Variants in MLLT10 observed in about 807,000 individuals in gnomAD.
MLLT10 encodes the protein MLLT10 histone lysine methyltransferase DOT1L cofactor.
Under a neutral mutation model 129.1 loss-of-function variants are expected in MLLT10, and 30 were observed. The ratio of observed to expected loss-of-function variants is 0.23; its 90% CI spans 0.17 to 0.32. The LOEUF is 0.32. MLLT10 is among the 10% of genes least tolerant of loss of function. The pLI, the probability that MLLT10 is intolerant of heterozygous loss-of-function variation, is 1.00. For synonymous variants in MLLT10, 490 were observed against 446.4 expected (o/e 1.10, Z -1.23); for missense variants, 1,119 against 1,268.3 (o/e 0.88, Z 1.79).
intron 13 of MLLT10, among the ~76,000 whole-genome samples, chr10:21,693,741 G>C (rs2054104045): frequency 6.6e-6 from 1 of 152,118 alleles, no homozygotes; most frequent in Admixed American, 6.5e-5. Context: ...TGGAAGTTTT[G>C]TTAGGCATAT....
At chr10:21,564,715 T>C (rs2039322348) in intron 3 of MLLT10, 1 of 151,958 alleles carries the variant, frequency 6.6e-6, no homozygotes, top group Admixed American at 6.6e-5. Flanking sequence ...TCCCAACTAC[T>C]TGGGAGGCTG....
intron 21 of MLLT10, among the ~76,000 whole-genome samples, chr10:21,737,033 A>G (rs1416335581): frequency 6.6e-6 from 1 of 152,140 alleles, no homozygotes; most frequent in East Asian, 1.9e-4. Flanking sequence ...GAAAGGGAGG[A>G]GTCAACTGTG....
chr10:21,739,005 C>G (rs1340721335), intron 21 of MLLT10, among the ~76,000 whole-genome samples: 1 of 152,176 alleles, frequency 6.6e-6, no homozygotes, highest in African/African-American at 2.4e-5. Context: ...ACATTTCAAA[C>G]ATAACGTGTC....
chr10:21,692,261 G>A (rs1198670174), intron 13 of MLLT10, among the ~76,000 whole-genome samples: 1 of 151,862 alleles, frequency 6.6e-6, no homozygotes, highest in Admixed American at 6.6e-5. Flanking sequence ...GACATACAGA[G>A]ATATTTATCA....
At chr10:21,668,797 G>T (rs773125931) in intron 9 of MLLT10, 1 of 457,962 alleles carries the variant, frequency 2.2e-6, no homozygotes, top group Non-Finnish European at 2.9e-6. Flanking sequence ...AGTGAATAGC[G>T]TATTTCCATT....
chr10:21,732,758 C>G (rs889984795), intron 17 of MLLT10, 141 bp from the exon 18 acceptor site: 4 of 688,764 alleles, frequency 5.8e-6, no homozygotes, highest in African/African-American at 1.9e-5. Context: ...AATTTAGGAA[C>G]AAAACTTTAT....
At chr10:21,662,826 G>C (rs1304928475) in intron 9 of MLLT10, among the ~76,000 whole-genome samples, 1 of 152,148 alleles carries the variant, frequency 6.6e-6, no homozygotes, top group Non-Finnish European at 1.5e-5. Flanking sequence ...GAATTGTGGG[G>C]AACAGGAGAT....
At chr10:21,683,074 A>G (rs1363272451) in intron 13 of MLLT10, among the ~76,000 whole-genome samples, 2 of 152,122 alleles carry the variant, frequency 1.3e-5, no homozygotes, top group East Asian at 1.9e-4. Flanking sequence ...ATATTTTGCT[A>G]ATGTATTTTA....
intron 5 of MLLT10, among the ~76,000 whole-genome samples, chr10:21,610,942 A>T (rs2044553166): frequency 6.8e-6 from 1 of 146,584 alleles, no homozygotes; most frequent in African/African-American, 2.5e-5. Context: ...TGATGTTTGT[A>T]ATTCAGTTGA....
intron 15 of MLLT10, among the ~76,000 whole-genome samples, chr10:21,727,319 A>G (rs981132471): frequency 1.3e-5 from 2 of 152,190 alleles, no homozygotes; most frequent in African/African-American, 4.8e-5. Flanking sequence ...CTGTATTCCT[A>G]CTTGTTTTTG....
At chr10:21,720,169 T>G (rs2057026599) in intron 14 of MLLT10, among the ~76,000 whole-genome samples, 2 of 152,230 alleles carry the variant, frequency 1.3e-5, no homozygotes, top group South Asian at 4.1e-4. Context: ...TCCTGCTACT[T>G]TATGGAAACT....
chr10:21,557,099 T>C (rs1473360930), intron 3 of MLLT10: 8 of 1,402,442 alleles, frequency 5.7e-6, no homozygotes, highest in Admixed American at 3.3e-5. Flanking sequence ...TGAATTCTGC[T>C]TTCCATTTAC....
At chr10:21,549,659 CTTTT>C (rs11374255) in intron 3 of MLLT10, among the ~76,000 whole-genome samples, 3 of 121,976 alleles carry the variant, frequency 2.5e-5, no homozygotes, top group African/African-American at 3.1e-5. Context: ...GAGTTGTACT[CTTTT>C]TTTTTTTTTT....
intron 9 of MLLT10, among the ~76,000 whole-genome samples, chr10:21,658,309 T>TAA (rs1282140397): frequency 6.6e-6 from 1 of 152,246 alleles, no homozygotes; most frequent in Non-Finnish European, 1.5e-5. Flanking sequence ...ATCTGCTTTT[T>TAA]GTCAGTTTAA....
intron 11 of MLLT10, among the ~76,000 whole-genome samples, chr10:21,677,842 G>T (rs2052339964): frequency 6.6e-6 from 1 of 152,182 alleles, no homozygotes; most frequent in African/African-American, 2.4e-5. Context: ...AGCACCTGTT[G>T]TTTAAACTAT....
chr10:21,720,997 T>C (rs962775384), intron 14 of MLLT10, among the ~76,000 whole-genome samples: 2 of 152,162 alleles, frequency 1.3e-5, no homozygotes, highest in African/African-American at 4.8e-5. Context: ...GCTTATGATA[T>C]ATATGGTGAT....
chr10:21,575,943 A>G lies in MLLT10; in HGVS notation c.241-10351A>G, dbSNP rs188616034. ...TGTTGTTTGTTTGTTTGTTTTTTTT[A>G]TGAGATGAGGTTTTACTCTGTCACC... On this transcript the variant is annotated intron_variant, in intron 3 of 22. Coordinates refer to ENST00000307729, the MANE Select transcript of MLLT10 (RefSeq NM_001195626.3). Among the ~76,000 whole-genome samples, 267 of 150,332 alleles carry G rather than the reference A, an allele frequency of 1.8e-3. 2 individuals carry two copies. The highest frequency in any genetic ancestry group is 2.1e-3 in the Non-Finnish European group (142 of 67,608).
intron 8 of MLLT10, among the ~76,000 whole-genome samples, chr10:21,622,240 C>T (rs566633624): frequency 5.4e-4 from 79 of 147,134 alleles, no homozygotes; most frequent in Admixed American, 2.6e-3. Context: ...TCACTGCAGC[C>T]TTGATCTCCG....
intron 13 of MLLT10, among the ~76,000 whole-genome samples, chr10:21,712,671 T>C (rs1296342407): frequency 1.3e-5 from 2 of 152,204 alleles, no homozygotes; most frequent in Admixed American, 6.5e-5. Context: ...ATGGGCCAGT[T>C]ATTTCTTCTG....
Sources: gnomAD v4.1 joint callset for allele counts (sites outside exome capture counted in the v4.1 genomes callset) on GRCh38, gnomAD v4.1.1 for gene constraint, MANE v1.5 for transcripts, NCBI Gene and HGNC (gene_info 2026-07-23, HGNC 2026-07-21) for gene names.